Variants in RILPL1 observed in about 807,000 individuals in gnomAD.
RILPL1 encodes Rab interacting lysosomal protein like 1, also known as RILP-like protein 1.
In RILPL1, 33 loss-of-function variants were observed where a neutral mutation model predicts 50.3. The ratio of observed to expected loss-of-function variants is 0.66; its 90% CI spans 0.50 to 0.88. The LOEUF (loss-of-function observed/expected upper bound fraction) is 0.88. Among genes scored for constraint, RILPL1 ranks in the 40% least tolerant of loss-of-function variants. The pLI is 0.00. For missense variants in RILPL1, 418 were observed against 542.5 expected (o/e 0.77, Z 2.28); for synonymous variants, 205 against 228.6 (o/e 0.90, Z 0.93).
At chr12:123,475,416 C>G (rs1415123640) in intron 6 of RILPL1, 3 of 524,230 alleles carry the variant, frequency 5.7e-6, no homozygotes, top group Non-Finnish European at 1.0e-5. Context: ...GGTTTTAAAA[C>G]AGAAACAGAA....
intron 2 of RILPL1, among the ~76,000 whole-genome samples, chr12:123,506,282 G>A (rs1048170901): frequency 3.9e-5 from 6 of 152,234 alleles, no homozygotes; most frequent in African/African-American, 1.4e-4. Context: ...GGGCAATGCG[G>A]GCTGAGGCGC....
intron 2 of RILPL1, among the ~76,000 whole-genome samples, chr12:123,502,099 G>GAAAAAAAAAAAAAAA: frequency 6.7e-6 from 1 of 149,120 alleles, no homozygotes. Context: ...AAAAAAAAAG[G>GAAAAAAAAAAAAAAA]AAAAGCTACT....
rs35865984 is a variant in RILPL1 at position 123,489,671 on chromosome 12, T to TA, written c.802-3867dup. 6.9e-4 allele frequency among the ~76,000 whole-genome samples: 99 copies of TA among 142,772 alleles called. No homozygotes were observed. Among genetic ancestry groups the TA allele is most frequent in the African/African-American group, 9.8e-4 (38 of 38,634 alleles). 93.7% of individuals were successfully genotyped at this position (142,772 alleles called of 152,430 possible). ...AGAGCGACAGAGTAAGACTCCATCT[T>TA]AAAAAAAAAAAAAATAGTGCACAGA... On this transcript the variant is annotated intron_variant, in intron 4 of 6. Coordinates refer to ENST00000376874, the MANE Select transcript of RILPL1 (RefSeq NM_178314.5). The surrounding 1 kb of genome is among the most constrained non-coding windows in gnomAD (Gnocchi z 4.0).
intron 1 of RILPL1, 72 bp from the exon 2 acceptor site, chr12:123,523,717 G>C: frequency 6.6e-7 from 1 of 1,524,460 alleles, no homozygotes; most frequent in South Asian, 1.2e-5. Context: ...CCGACCCTCA[G>C]GGGCAGCTTG....
chr12:123,480,740 T>C (rs1396987385), intron 6 of RILPL1, among the ~76,000 whole-genome samples: 6 of 152,078 alleles, frequency 3.9e-5, no homozygotes, highest in Non-Finnish European at 7.4e-5. Flanking sequence ...TCCTGGGCAC[T>C]AAGTACTGCA....
At chr12:123,493,051 T>C (rs1882801031) in intron 4 of RILPL1, among the ~76,000 whole-genome samples, 1 of 152,006 alleles carries the variant, frequency 6.6e-6, no homozygotes, top group Non-Finnish European at 1.5e-5. Context: ...GGAGGATTAG[T>C]AAAAGAGGAA....
chr12:123,495,877 C>T (rs752660192), intron 4 of RILPL1, among the ~76,000 whole-genome samples: 23 of 151,494 alleles, frequency 1.5e-4, no homozygotes, highest in Non-Finnish European at 2.9e-4. Flanking sequence ...GACGGGGTTT[C>T]GCCACGTTAG....
chr12:123,488,758 C>T (rs1882509291), intron 4 of RILPL1, among the ~76,000 whole-genome samples: 1 of 152,214 alleles, frequency 6.6e-6, no homozygotes, highest in Non-Finnish European at 1.5e-5. Flanking sequence ...GAGGAGGGGC[C>T]TCCATGCAGT....
chr12:123,521,606 T>C (rs866970998), intron 2 of RILPL1, among the ~76,000 whole-genome samples: 63 of 93,168 alleles, frequency 6.8e-4, no homozygotes, highest in African/African-American at 2.9e-3. Flanking sequence ...TTAATATATA[T>C]ACACACATAT....
At chr12:123,474,621 T>TG (rs1419024943) in intron 6 of RILPL1, 9 of 152,282 alleles carry the variant, frequency 5.9e-5, no homozygotes, top group Admixed American at 5.9e-4. Context: ...CCCAAAGTGC[T>TG]GGGATTACAG....
At chr12:123,525,152 A>G (rs1885206276) in intron 1 of RILPL1, among the ~76,000 whole-genome samples, 1 of 151,838 alleles carries the variant, frequency 6.6e-6, no homozygotes, top group Non-Finnish European at 1.5e-5. Flanking sequence ...ATAATAATAA[A>G]TAAAATAAAA....
chr12:123,509,750 G>T (rs1883972413), intron 2 of RILPL1, among the ~76,000 whole-genome samples: 1 of 152,162 alleles, frequency 6.6e-6, no homozygotes, highest in African/African-American at 2.4e-5. Flanking sequence ...AGATGAAAGG[G>T]GTCCAGCGCC....
At chr12:123,518,225 CG>C (rs1213840385) in intron 2 of RILPL1, among the ~76,000 whole-genome samples, 1 of 152,014 alleles carries the variant, frequency 6.6e-6, no homozygotes, top group Non-Finnish European at 1.5e-5. Context: ...AAGACAGGGC[CG>C]GGTGCGGTTG....
At chr12:123,472,768 A>G in intron 6 of RILPL1, 86 bp from the exon 7 acceptor site, 1 of 1,427,292 alleles carries the variant, frequency 7.0e-7, no homozygotes, top group Non-Finnish European at 9.6e-7. Context: ...GACATATAGC[A>G]GCAAACTTAG....
chr12:123,514,975 G>A (rs1472843324), intron 2 of RILPL1, among the ~76,000 whole-genome samples: 1 of 151,570 alleles, frequency 6.6e-6, no homozygotes, highest in Non-Finnish European at 1.5e-5. Flanking sequence ...CTGTTGCCCA[G>A]GCTGGAGTGC....
intron 1 of RILPL1, among the ~76,000 whole-genome samples, chr12:123,531,831 C>G (rs1885450745): frequency 6.6e-6 from 1 of 152,124 alleles, no homozygotes. Flanking sequence ...GGTTTGAAAC[C>G]AGGCTGTCTA....
Position 123,471,770 on chromosome 12 carries a change from A to G in RILPL1, c.*768T>C, listed in dbSNP as rs1881202954. 1.3e-5 allele frequency: 2 copies of G among 152,650 alleles called. No individual in the cohort carries two copies. Among genetic ancestry groups the G allele is most frequent in the African/African-American group, 4.8e-5 (2 of 41,452 alleles). 9.5% of individuals were successfully genotyped at this position (152,650 alleles called of 1,614,324 possible). ...AAGTATATGACTTAATGAATCCTAA[A>G]AGGAAAAAAAGATGTCAGGAAAAAA... On this transcript the variant is annotated 3_prime_UTR_variant, in exon 7 of 7. Coordinates refer to ENST00000376874, the MANE Select transcript of RILPL1 (RefSeq NM_178314.5).
At chr12:123,504,753 T>C (rs894904232) in intron 2 of RILPL1, among the ~76,000 whole-genome samples, 1 of 152,166 alleles carries the variant, frequency 6.6e-6, no homozygotes, top group Non-Finnish European at 1.5e-5. Flanking sequence ...ATTTTACATA[T>C]ATGAAAAACT....
chr12:123,521,394 A>G (rs913385360), intron 2 of RILPL1, among the ~76,000 whole-genome samples: 1 of 151,798 alleles, frequency 6.6e-6, no homozygotes, highest in African/African-American at 2.4e-5. Context: ...TTTTGTTTTC[A>G]TTGTTACTAA....
Sources: allele counts gnomAD v4.1 joint callset (sites outside exome capture counted in the v4.1 genomes callset), GRCh38; gene constraint gnomAD v4.1.1; non-coding constraint Gnocchi (gnomAD v3.1); transcripts MANE v1.5; gene names NCBI Gene and HGNC (gene_info 2026-07-23, HGNC 2026-07-21).